The following NOTCH2NLC variants were observed in gnomAD, a reference collection of about 807,000 sequenced individuals.
NOTCH2NLC encodes the protein notch 2 N-terminal like C.
Under a neutral mutation model 17.7 loss-of-function variants are expected in NOTCH2NLC, and 4 were observed. The observed-to-expected ratio is 0.23, with a 90% CI of 0.11 to 0.52. The LOEUF is 0.52. Among genes scored for constraint, NOTCH2NLC ranks in the 20% least tolerant of loss-of-function variants. The pLI is 0.96. For synonymous variants in NOTCH2NLC, 18 were observed against 86.0 expected (o/e 0.21, Z 4.38); for missense variants, 57 against 207.2 (o/e 0.28, Z 4.45).
chr1:149,437,778 T>G (rs1347015901), intron 2 of NOTCH2NLC, among the ~76,000 whole-genome samples: 3 of 151,944 alleles, frequency 2.0e-5, no homozygotes, highest in African/African-American at 7.2e-5. Context: ...CATAGGTTTT[T>G]TTATGCCAGA....
rs1570895608 is a variant in NOTCH2NLC, at chr1:149,390,844, C to CGGCGGCGGCGGCGGCGG, written c.57_58insGGCGGCGGCGGCGGCGG (p.Arg20GlyfsTer41). ...GCGGCGGCGGCGGAGGAGGCGGCGA[C>CGGCGGCGGCGGCGGCGG]CGAGAAGATGCCCGCCCTGCGCCGC... On this transcript the variant is annotated frameshift_variant, in exon 1 of 5. Coordinates refer to ENST00000650865, the MANE Select transcript of NOTCH2NLC (RefSeq NM_001364013.2). LOFTEE classifies it high-confidence loss of function. 7 of 1,329,752 alleles carry CGGCGGCGGCGGCGGCGG rather than the reference C, an allele frequency of 5.3e-6. No individual in the cohort carries two copies. Among genetic ancestry groups the CGGCGGCGGCGGCGGCGG allele is most frequent in the African/African-American group, 3.2e-5 (2 of 61,856 alleles). The allele number at this position is 1,329,752 out of a possible 1,614,324, so 82.4% of individuals were successfully genotyped here.
At chr1:149,416,972 C>T (rs1399343590) in intron 1 of NOTCH2NLC, among the ~76,000 whole-genome samples, 1 of 145,882 alleles carries the variant, frequency 6.9e-6, no homozygotes, top group Non-Finnish European at 1.5e-5. Flanking sequence ...AGGTCATTAG[C>T]TGATCTTTCG....
chr1:149,418,221 GT>G (rs2101477871), intron 1 of NOTCH2NLC, among the ~76,000 whole-genome samples: 1 of 128,566 alleles, frequency 7.8e-6, no homozygotes, highest in South Asian at 2.8e-4. Flanking sequence ...CATAGCCAAA[GT>G]GATTACAATG....
chr1:149,424,694 A>T (rs1289756993), intron 1 of NOTCH2NLC, among the ~76,000 whole-genome samples: 2 of 151,162 alleles, frequency 1.3e-5, no homozygotes, highest in African/African-American at 2.4e-5. Context: ...GAGGCTGAAT[A>T]ATTTATAAAG....
intron 1 of NOTCH2NLC, among the ~76,000 whole-genome samples, chr1:149,400,344 T>C (rs2101465115): frequency 7.1e-6 from 1 of 140,834 alleles, no homozygotes; most frequent in Admixed American, 7.2e-5. Context: ...CCTTTTTTTC[T>C]ACTTCTTTTG....
rs1172410032 is a variant in NOTCH2NLC, at chr1:149,420,113, G to A, written c.136-10829G>A. Among the ~76,000 whole-genome samples, 75 of 149,516 alleles carry A rather than the reference G, an allele frequency of 5.0e-4. 1 individual carries two copies. Among genetic ancestry groups the A allele is most frequent in the South Asian group, 2.3e-3 (11 of 4,690 alleles). ...TGTCGATCTCCTGACCTCGTGATCCGCCCACCTCGGCCTCCCAAAGTGCTG... is the reference window on the plus strand; with the variant it reads ...TGTCGATCTCCTGACCTCGTGATCCACCCACCTCGGCCTCCCAAAGTGCTG... On this transcript the variant is annotated intron_variant, in intron 1 of 4. Transcript: ENST00000650865.
chr1:149,415,996 G>A (rs1284284599), intron 1 of NOTCH2NLC, among the ~76,000 whole-genome samples: 17,469 of 149,882 alleles, frequency 0.12, 1,569 homozygotes, highest in East Asian at 0.25. Context: ...TGTGTCAGAT[G>A]ATAAAAATGC....
At chr1:149,433,284 T>G (rs1453545174) in intron 2 of NOTCH2NLC, among the ~76,000 whole-genome samples, 2,154 of 47,028 alleles carry the variant, frequency 0.046, no homozygotes, top group African/African-American at 0.048. Flanking sequence ...TGTCAGGGGG[T>G]GGGGGGAAAG....
intron 1 of NOTCH2NLC, chr1:149,406,338 C>T (rs1238460846): frequency 1.3e-5 from 2 of 150,642 alleles, no homozygotes; most frequent in African/African-American, 4.9e-5. Context: ...TTAGATTATC[C>T]CTGCTATTTT....
At chr1:149,449,844 G>A (rs1208104347) in intron 2 of NOTCH2NLC, among the ~76,000 whole-genome samples, 5 of 150,568 alleles carry the variant, frequency 3.3e-5, no homozygotes, top group African/African-American at 9.8e-5. Context: ...TTATCTCTAC[G>A]GATTTGCATA....
chr1:149,418,957 C>T (rs1467080080), intron 1 of NOTCH2NLC, among the ~76,000 whole-genome samples: 3 of 150,712 alleles, frequency 2.0e-5, no homozygotes, highest in African/African-American at 7.3e-5. Context: ...CCTTTTCTTT[C>T]CTTTTCTTTC....
chr1:149,464,581 G>A lies in NOTCH2NLC; in HGVS notation c.*428G>A, dbSNP rs2084673778. 6.2e-6 allele frequency: 1 copy of A among 160,458 alleles called. No individual in the cohort carries two copies. The highest frequency in any genetic ancestry group is 2.5e-5 in the African/African-American group (1 of 40,800). The allele number at this position is 160,458 out of a possible 1,614,324, so 9.9% of individuals were successfully genotyped here. The stretch of plus-strand genomic sequence containing the variant: ...GAGGAGCAGTGTCGGGGAGCTTGGG[G>A]CCTGGTGTTCCATGGAGAGGGAGAA... On this transcript the variant is annotated 3_prime_UTR_variant, in exon 5 of 5. Coordinates refer to ENST00000650865, the MANE Select transcript of NOTCH2NLC (RefSeq NM_001364013.2).
At chr1:149,400,067 G>A (rs1378417514) in intron 1 of NOTCH2NLC, among the ~76,000 whole-genome samples, 8 of 145,956 alleles carry the variant, frequency 5.5e-5, no homozygotes, top group Admixed American at 4.1e-4. Context: ...TTTGGTATAC[G>A]TCTTTGGTTT....
At chr1:149,429,620 A>G (rs2084432598) in intron 1 of NOTCH2NLC, among the ~76,000 whole-genome samples, 1 of 151,418 alleles carries the variant, frequency 6.6e-6, no homozygotes, top group Admixed American at 6.6e-5. Context: ...TATTTCAAGG[A>G]TGGGATGCAT....
intron 1 of NOTCH2NLC, among the ~76,000 whole-genome samples, chr1:149,414,725 C>T (rs1359245276): frequency 6.6e-6 from 1 of 151,060 alleles, no homozygotes; most frequent in African/African-American, 2.4e-5. Flanking sequence ...TACACCTCCC[C>T]TACTTCTGGG....
chr1:149,424,769 T>C (rs1215854787), intron 1 of NOTCH2NLC, among the ~76,000 whole-genome samples: 7 of 151,250 alleles, frequency 4.6e-5, no homozygotes, highest in African/African-American at 1.5e-4. Context: ...AACATCTGCT[T>C]CTGGTGAGGG....
At chr1:149,441,760 A>T (rs1445407324) in intron 2 of NOTCH2NLC, among the ~76,000 whole-genome samples, 1 of 14,058 alleles carries the variant, frequency 7.1e-5, no homozygotes, top group Non-Finnish European at 1.6e-4. Flanking sequence ...TGAAAAAGTG[A>T]CTCATTTTCT....
intron 1 of NOTCH2NLC, among the ~76,000 whole-genome samples, chr1:149,424,099 A>G (rs1385471340): frequency 4.0e-5 from 6 of 151,276 alleles, no homozygotes; most frequent in Admixed American, 1.3e-4. Context: ...TCAAGTCTGG[A>G]TACCTTAGCC....
intron 2 of NOTCH2NLC, among the ~76,000 whole-genome samples, chr1:149,440,962 G>C (rs2084515564): frequency 1.3e-5 from 2 of 150,308 alleles, no homozygotes; most frequent in African/African-American, 4.9e-5. Flanking sequence ...GACAGGAAGA[G>C]AGGGCAGCTG....
Sources: allele counts gnomAD v4.1 joint callset (sites outside exome capture counted in the v4.1 genomes callset), GRCh38; gene constraint gnomAD v4.1.1; transcripts MANE v1.5; gene names NCBI Gene and HGNC (gene_info 2026-07-23, HGNC 2026-07-21).